The following NTSR1 variants were observed in gnomAD, a reference collection of about 807,000 sequenced individuals.
The protein encoded by NTSR1 is neurotensin receptor type 1.
A neutral mutation model predicts 31.2 loss-of-function variants in NTSR1; 29 were observed. The ratio of observed to expected loss-of-function variants is 0.93; its 90% confidence interval spans 0.69 to 1.27. The LOEUF (loss-of-function observed/expected upper bound fraction) is 1.27. Among genes scored for constraint, NTSR1 ranks in the 50% most tolerant of loss-of-function variants. The pLI, the probability that NTSR1 is intolerant of heterozygous loss-of-function variation, is 0.00. For synonymous variants in NTSR1, 282 were observed against 269.9 expected, an observed-to-expected ratio of 1.04 and a Z score of -0.44; for missense variants, 697 against 595.4, an observed-to-expected ratio of 1.17 and a Z score of -1.78.
intron 1 of NTSR1, among the ~76,000 whole-genome samples, chr20:62,716,722 C>G (rs1350047335): frequency 6.6e-6 from 1 of 152,204 alleles, no homozygotes; most frequent in Non-Finnish European, 1.5e-5. Flanking sequence ...ATCGTCCTCC[C>G]CTGGACGGCC....
rs1218803378 is a variant in NTSR1, at chr20:62,742,625, C to A, written c.715-12060C>A. 6.7e-6 allele frequency among the ~76,000 whole-genome samples: 1 copy of A among 149,432 alleles called. No homozygotes were observed. The highest frequency in any genetic ancestry group is 2.5e-5 in the African/African-American group (1 of 39,978). ...CCCCAGACACCTGTTTACACAGGGC[C>A]CTAGGTCTCAGGTGTCCTGTGGGTG... On this transcript the variant is annotated intron_variant, in intron 1 of 3. Transcript: ENST00000370501. The surrounding 1 kb of genome is among the most constrained non-coding windows in gnomAD (Gnocchi z 7.1).
intron 1 of NTSR1, among the ~76,000 whole-genome samples, chr20:62,740,596 G>A (rs1012508462): frequency 2.6e-5 from 4 of 152,188 alleles, no homozygotes; most frequent in African/African-American, 4.8e-5. Flanking sequence ...CTGTGGACTC[G>A]AGCCCAGGGG....
intron 1 of NTSR1, among the ~76,000 whole-genome samples, chr20:62,739,021 A>G (rs909824332): frequency 2.6e-5 from 4 of 152,198 alleles, no homozygotes; most frequent in Non-Finnish European, 5.9e-5. Context: ...GTTTTCATGC[A>G]CTGAGCCATT....
At position 62,760,298 on chromosome 20, in the gene NTSR1, G is replaced by T; in HGVS notation, c.*31G>T. ...GCGCCCCGGAACGTGTCCAGGAGGA[G>T]CCTGGCCATGGGTCCTTGCCCCCGA... On this transcript the variant is annotated 3_prime_UTR_variant, in exon 4 of 4. Coordinates refer to ENST00000370501, the MANE Select transcript of NTSR1 (RefSeq NM_002531.3). The T allele has an allele frequency of 6.4e-7, 1 of 1,574,432 alleles. No individual in the cohort carries two copies. The highest frequency in any genetic ancestry group is 8.6e-7 in the Non-Finnish European group (1 of 1,159,026).
Position 62,754,803 on chromosome 20 carries a change from C to A in NTSR1, c.833C>A (p.Thr278Lys), listed in dbSNP as rs201275906. The change falls in exon 2 of 4, where the codon ACG (threonine) becomes AAG (lysine). Residue 278 changes from threonine to lysine, a missense_variant. Thr to Lys is a moderately conservative substitution (Grantham distance 78). Transcript: ENST00000370501. ...RQAAEQGQVC[T>K]VGGEHSTFSM... Reference sequence around the variant, plus strand: ...GCGGCCGAGCAGGGCCAAGTGTGCACGGTCGGGGGCGAGCACAGCACATTC... The same window carrying A: ...GCGGCCGAGCAGGGCCAAGTGTGCAAGGTCGGGGGCGAGCACAGCACATTC... The A allele has an allele frequency of 8.1e-6, 13 of 1,610,556 alleles. No homozygotes were observed. Among genetic ancestry groups the A allele is most frequent in the Non-Finnish European group, 9.3e-6 (11 of 1,179,672 alleles).
intron 1 of NTSR1, among the ~76,000 whole-genome samples, chr20:62,739,071 G>A (rs1210816257): frequency 8.6e-5 from 13 of 151,994 alleles, no homozygotes; most frequent in Admixed American, 8.5e-4. Flanking sequence ...TGTTGTAAAG[G>A]AAAGCCCTGC....
chr20:62,754,649 G>A (rs1344480213), intron 1 of NTSR1, 36 bp from the exon 2 acceptor site: 12 of 1,573,138 alleles, frequency 7.6e-6, no homozygotes, highest in Non-Finnish European at 1.0e-5. Flanking sequence ...GAGTCCCGCT[G>A]CTGGCTCTGA....
rs1196978538 is a variant in NTSR1 at position 62,755,094 on chromosome 20, CTCCA to C, written c.916+220_916+223del. On this transcript the variant is annotated intron_variant, in intron 2 of 3. Coordinates refer to ENST00000370501, the MANE Select transcript of NTSR1 (RefSeq NM_002531.3). ...CATCCTTCCATCTATCCTTCCCTCC[CTCCA>C]TCCATCCATCCTTCCCTCCCTCCCT... 2.7e-4 allele frequency among the ~76,000 whole-genome samples: 40 copies of C among 150,252 alleles called. 1 individual carries two copies. Among genetic ancestry groups the C allele is most frequent in the African/African-American group, 7.1e-4 (29 of 40,748 alleles).
At chr20:62,721,890 A>G (rs907148397) in intron 1 of NTSR1, among the ~76,000 whole-genome samples, 2 of 152,190 alleles carry the variant, frequency 1.3e-5, no homozygotes, top group Non-Finnish European at 2.9e-5. Flanking sequence ...CTGGAATATC[A>G]GTATGCCTCT....
intron 1 of NTSR1, among the ~76,000 whole-genome samples, chr20:62,753,816 G>T (rs534179614): frequency 6.6e-6 from 1 of 152,244 alleles, no homozygotes; most frequent in African/African-American, 2.4e-5. Flanking sequence ...CTGCCAGTCC[G>T]CAGACATGTC....
intron 1 of NTSR1, among the ~76,000 whole-genome samples, chr20:62,737,873 A>G (rs1443203950): frequency 3.1e-4 from 6 of 19,170 alleles, no homozygotes; most frequent in Non-Finnish European, 6.2e-4. Flanking sequence ...CACCCCCCAC[A>G]CCCCTGCACC....
At position 62,735,539 on chromosome 20, in the gene NTSR1, T is replaced by C. The variant is rs564166970; in HGVS notation, c.715-19146T>C. Among the ~76,000 whole-genome samples the C allele has an allele frequency of 9.2e-5, 14 of 152,356 alleles. No homozygotes were observed. The South Asian group carries it at 2.9e-3, about 32-fold the overall frequency. On this transcript the variant is annotated intron_variant, in intron 1 of 3. Coordinates refer to ENST00000370501, the MANE Select transcript of NTSR1 (RefSeq NM_002531.3). Reference sequence around the variant, plus strand: ...TCTCACAGATGAGCCGATTATGTCTTTGTGACAAACACATTATTAGGAGTG... The same window carrying C: ...TCTCACAGATGAGCCGATTATGTCTCTGTGACAAACACATTATTAGGAGTG...
intron 1 of NTSR1, among the ~76,000 whole-genome samples, chr20:62,740,624 G>A (rs543083581): frequency 2.6e-5 from 4 of 152,328 alleles, no homozygotes; most frequent in East Asian, 3.9e-4. Context: ...ACCTGGCCAC[G>A]GTTTCCTCAT....
intron 1 of NTSR1, among the ~76,000 whole-genome samples, chr20:62,736,744 G>A (rs972070571): frequency 1.5e-4 from 23 of 152,192 alleles, no homozygotes; most frequent in Non-Finnish European, 2.5e-4. Context: ...CACACCTGGC[G>A]TAGGAGTTAC....
At position 62,760,335 on chromosome 20, in the gene NTSR1, GCCC is replaced by G. The variant is rs1989596991; in HGVS notation, c.*71_*73del. 2 of 1,525,718 alleles carry G rather than the reference GCCC, an allele frequency of 1.3e-6. No individual in the cohort carries two copies. The highest frequency in any genetic ancestry group is 2.5e-5 in the South Asian group (2 of 79,988). The allele number at this position is 1,525,718 out of a possible 1,614,324, so 94.5% of individuals were successfully genotyped here. A position where few individuals can be genotyped will look rare whatever the true frequency, so the allele number is the denominator to read the frequency against. ...GTCCTTGCCCCCGACAGACAGAGCA[GCCC>G]CCACCCGGGAGCCTTGATGGGGGTC... On this transcript the variant is annotated 3_prime_UTR_variant, in exon 4 of 4. Coordinates refer to ENST00000370501, the MANE Select transcript of NTSR1 (RefSeq NM_002531.3).
chr20:62,750,937 G>T (rs936335562), intron 1 of NTSR1, among the ~76,000 whole-genome samples: 1 of 152,112 alleles, frequency 6.6e-6, no homozygotes, highest in Non-Finnish European at 1.5e-5. Context: ...GTGCAGTGGC[G>T]AAGTCATAGC....
chr20:62,712,648 C>A (rs1012623092), intron 1 of NTSR1, among the ~76,000 whole-genome samples: 2 of 152,216 alleles, frequency 1.3e-5, no homozygotes, highest in Admixed American at 1.3e-4. Context: ...GGCCCTGGTG[C>A]CAGCAGGGTG....
rs1419969836 is a variant in NTSR1 at position 62,742,765 on chromosome 20, C to T, written c.715-11920C>T. ...CGCTGGGCTGTGTCACCTTAAAGACCCCTTTGCTCTCTTGGCCCTGGCACC... is the reference window on the plus strand; with the variant it reads ...CGCTGGGCTGTGTCACCTTAAAGACTCCTTTGCTCTCTTGGCCCTGGCACC... On this transcript the variant is annotated intron_variant, in intron 1 of 3. Transcript: ENST00000370501. This position sits in a 1 kb window ranked among gnomAD's most constrained non-coding sequence, Gnocchi z 7.1. Among the ~76,000 whole-genome samples the T allele has an allele frequency of 6.7e-6, 1 of 149,032 alleles. No homozygotes were observed. Among genetic ancestry groups the T allele is most frequent in the Non-Finnish European group, 1.5e-5 (1 of 67,980 alleles).
In NTSR1 at chr20:62,718,542, G is replaced by A. The variant is rs1032691467; in HGVS notation, c.714+8621G>A. On this transcript the variant is annotated intron_variant, in intron 1 of 3. Coordinates refer to ENST00000370501, the MANE Select transcript of NTSR1 (RefSeq NM_002531.3). ...CGCCCTCCAGCCCTGTGGCCCACCC[G>A]CCCCGATGCCCGCCCCTCCACCCAC... 1.2e-3 allele frequency among the ~76,000 whole-genome samples: 30 copies of A among 25,324 alleles called. No homozygotes were observed. In the South Asian group the frequency reaches 0.025, roughly 21 times the overall value. The allele number at this position is 25,324 out of a possible 152,430, so 16.6% of individuals were successfully genotyped here.
Sources: allele counts gnomAD v4.1 joint callset (sites outside exome capture counted in the v4.1 genomes callset), GRCh38; gene constraint gnomAD v4.1.1; non-coding constraint Gnocchi (gnomAD v3.1); transcripts MANE v1.5; gene names NCBI Gene and HGNC (gene_info 2026-07-23, HGNC 2026-07-21).